The following SPTBN5 variants were observed in gnomAD, a reference collection of about 807,000 sequenced individuals.
SPTBN5 encodes the protein spectrin beta chain, non-erythrocytic 5.
A neutral mutation model predicts 477.6 loss-of-function variants in SPTBN5; 513 were observed. That is an observed-to-expected ratio of 1.07 (90% CI 1.00 to 1.16). The LOEUF (loss-of-function observed/expected upper bound fraction) is 1.16, where lower values mean the gene tolerates loss of function less well. Among genes scored for constraint, SPTBN5 ranks in the 50% most tolerant of loss-of-function variants. The pLI, the probability that SPTBN5 is intolerant of heterozygous loss-of-function variation, is 0.00. For missense variants in SPTBN5, 5,062 were observed against 4,731.8 expected (o/e 1.07, Z -2.05); for synonymous variants, 2,169 against 2,011.7 (o/e 1.08, Z -2.09).
At position 41,863,946 on chromosome 15, in the gene SPTBN5, T is replaced by G. The variant is rs751366420; in HGVS notation, c.6997A>C (p.Lys2333Gln). 3.1e-5 allele frequency: 50 copies of G among 1,613,816 alleles called. No homozygotes were observed. The highest frequency in any genetic ancestry group is 3.8e-5 in the Non-Finnish European group (45 of 1,179,894). Residue 2333 changes from lysine (K) to glutamine (Q), a missense_variant, in exon 40 of 68, where the codon AAG becomes CAG. Lys to Gln is a moderately conservative substitution (Grantham distance 53). Coordinates refer to ENST00000320955, the MANE Select transcript of SPTBN5 (RefSeq NM_016642.4). ...QLKNRDPEEVKIICQRRSQLN... is the reference protein window; with the variant it reads ...QLKNRDPEEVQIICQRRSQLN... ...TGGCTTCGCCGCTGGCAGATGATCT[T>G]GACTTCCTCAGGGTCCCGGTTCTTG...
chr15:41,891,528 G>A (rs562864004), intron 3 of SPTBN5, among the ~76,000 whole-genome samples: 3 of 126,954 alleles, frequency 2.4e-5, no homozygotes, highest in Non-Finnish European at 3.3e-5. Flanking sequence ...ATGTCACGCT[G>A]GTGGCTTAAA....
At chr15:41,850,332 CG>C (rs2065711554) in intron 66 of SPTBN5, 2 of 278,438 alleles carry the variant, frequency 7.2e-6, no homozygotes, top group East Asian at 1.5e-4. Flanking sequence ...CCTGAACACA[CG>C]GTCCACACGG....
At chr15:41,848,987 G>C (rs551067129) in intron 67 of SPTBN5, among the ~76,000 whole-genome samples, 2 of 152,336 alleles carry the variant, frequency 1.3e-5, no homozygotes, top group African/African-American at 4.8e-5. Context: ...ATTGGGCTCT[G>C]CAGGACTGGG....
chr15:41,887,499 T>A, intron 5 of SPTBN5, 58 bp from the exon 6 acceptor site: 2 of 1,333,072 alleles, frequency 1.5e-6, no homozygotes, highest in Non-Finnish European at 2.1e-6. Context: ...TTCCTTTAAG[T>A]AGATTCTTAA....
At chr15:41,881,841 A>T in intron 12 of SPTBN5, 95 bp downstream of exon 12, 1 of 1,230,520 alleles carries the variant, frequency 8.1e-7, no homozygotes, top group Middle Eastern at 2.8e-4. Context: ...ATCCTGGGCC[A>T]GAGGCCACAA....
chr15:41,860,400 A>G (rs545109503), intron 47 of SPTBN5, among the ~76,000 whole-genome samples, 186 bp downstream of exon 47: 1 of 152,230 alleles, frequency 6.6e-6, no homozygotes, highest in South Asian at 2.1e-4. Context: ...GTGGTGTTTG[A>G]TGTCCATAAC....
At chr15:41,853,054 G>T in intron 59 of SPTBN5, 54 bp from the exon 60 acceptor site, 1 of 1,460,320 alleles carries the variant, frequency 6.8e-7, no homozygotes, top group Non-Finnish European at 9.1e-7. Flanking sequence ...CCCACCATGG[G>T]CAGGGCAGGG....
chr15:41,852,541 G>A, intron 61 of SPTBN5, 93 bp downstream of exon 61: 1 of 1,422,750 alleles, frequency 7.0e-7, no homozygotes, highest in South Asian at 1.2e-5. Context: ...GCAGGGCCGG[G>A]TGAGGGCTCA....
intron 13 of SPTBN5, among the ~76,000 whole-genome samples, chr15:41,880,740 C>G (rs1317413113): frequency 6.6e-6 from 1 of 152,260 alleles, no homozygotes; most frequent in Non-Finnish European, 1.5e-5. Flanking sequence ...TACCTTTGCA[C>G]AGGTCCTGGC....
intron 61 of SPTBN5, 60 bp from the exon 62 acceptor site, chr15:41,852,376 G>C: frequency 6.7e-7 from 1 of 1,501,844 alleles, no homozygotes; most frequent in Non-Finnish European, 8.9e-7. Context: ...CCACACCTCA[G>C]GTTCCCGTCT....
At position 41,893,556 on chromosome 15, in the gene SPTBN5, A is replaced by C. The variant is rs1319270654; in HGVS notation, c.-49-10T>G. 2 of 1,531,058 alleles carry C rather than the reference A, an allele frequency of 1.3e-6. No individual in the cohort carries two copies. The highest frequency in any genetic ancestry group is 3.9e-5 in the Admixed American group (2 of 50,856). 94.8% of individuals were successfully genotyped at this position (1,531,058 alleles called of 1,614,324 possible). On this transcript the variant is annotated splice_polypyrimidine_tract_variant and intron_variant, in intron 1 of 67. Transcript: ENST00000320955. The stretch of plus-strand genomic sequence containing the variant: ...GGATGGCTCCCTAAACCTGGAGGGC[A>C]TGCAGATTAGGGGATGATGTGAATG...
Position 41,893,302 on chromosome 15 carries a change from T to C in SPTBN5, c.196A>G (p.Asn66Asp). The C allele has an allele frequency of 6.2e-7, 1 of 1,613,974 alleles. No homozygotes were observed. The highest frequency in any genetic ancestry group is 8.5e-7 in the Non-Finnish European group (1 of 1,179,886). The change falls in exon 2 of 68, where the codon AAC (asparagine) becomes GAC (aspartate). Residue 66 changes from asparagine (N) to aspartate (D), a missense_variant. Physicochemically the swap from Asn to Asp is conservative, Grantham distance 23. Transcript: ENST00000320955. ...QEKTFTKWIN[N>D]VFQCGQAGIK... The stretch of plus-strand genomic sequence containing the variant: ...CTCACCTGGCCGCACTGGAAGACGT[T>C]ATTGATCCACTTGGTGAAAGTCTTC...
Position 41,867,491 on chromosome 15 carries a change from CCCAA to C in SPTBN5, c.6312+43_6312+46del, listed in dbSNP as rs774104793. The C allele has an allele frequency of 5.1e-6, 8 of 1,578,878 alleles. No individual in the cohort carries two copies. The East Asian group carries it at 1.8e-4, about 35-fold the overall frequency. ...CCCGTGACCCCCTTCAGGACTCTCT[CCCAA>C]CCACCACACTCTGACCACGCCCAGG... On this transcript the variant is annotated intron_variant, in intron 35 of 67. Coordinates refer to ENST00000320955, the MANE Select transcript of SPTBN5 (RefSeq NM_016642.4).
Position 41,853,341 on chromosome 15 carries a change from TTTC to T in SPTBN5, c.10084_10086del (p.Glu3362del). ...TGGGCTTGAAGGCGGCACTCCCTGA[TTTC>T]TTGCCCCAGCTCTTCATGCTGCCCA... On this transcript the variant is annotated inframe_deletion, in exon 59 of 68. Coordinates refer to ENST00000320955, the MANE Select transcript of SPTBN5 (RefSeq NM_016642.4). The T allele has an allele frequency of 1.2e-6, 2 of 1,612,790 alleles. No homozygotes were observed. The highest frequency in any genetic ancestry group is 1.7e-6 in the Non-Finnish European group (2 of 1,179,602).
Position 41,858,918 on chromosome 15 carries a change from A to C in SPTBN5, c.8051T>G (p.Leu2684Arg). ...CTGGGAGTCCTGCAGGAAGGCCTGCAGCTGCCGGAGCTCCTCCAGGCGATG... is the reference window on the plus strand; with the variant it reads ...CTGGGAGTCCTGCAGGAAGGCCTGCCGCTGCCGGAGCTCCTCCAGGCGATG... The part of the protein sequence containing the change: ...RRHRLEELRQ[L>R]QAFLQDSQEV... Residue 2684 changes from leucine (L) to arginine (R), a missense_variant, in exon 48 of 68, where the codon CTG (leucine) becomes CGG (arginine). Leu to Arg is a moderately radical substitution (Grantham distance 102). Transcript: ENST00000320955. 6.3e-7 allele frequency: 1 copy of C among 1,595,038 alleles called. No homozygotes were observed. Among genetic ancestry groups the C allele is most frequent in the East Asian group, 2.3e-5 (1 of 44,408 alleles).
intron 17 of SPTBN5, among the ~76,000 whole-genome samples, 161 bp downstream of exon 17, chr15:41,878,181 C>T (rs1011193126): frequency 1.3e-5 from 2 of 152,224 alleles, no homozygotes; most frequent in Admixed American, 6.5e-5. Flanking sequence ...ATATCCTCCT[C>T]TGTGTAAACT....
In SPTBN5 at chr15:41,865,852, G is replaced by T. The variant is rs2066287084; in HGVS notation, c.6874C>A (p.Gln2292Lys). ...DLGQDLEHCL[Q>K]LRRRLREFRG... ...AACTCGCGGAGCCGCCGTCGGAGCT[G>T]CAGGCAGTGCTCCAGGTCCTGGCCC... The change falls in exon 39 of 68, where the codon CAG (glutamine) becomes AAG (lysine). Residue 2292 changes from glutamine to lysine, a missense_variant. Coordinates refer to ENST00000320955, the MANE Select transcript of SPTBN5 (RefSeq NM_016642.4). 5.7e-6 allele frequency: 9 copies of T among 1,581,990 alleles called. No individual in the cohort carries two copies. The highest frequency in any genetic ancestry group is 7.7e-6 in the Non-Finnish European group (9 of 1,164,612).
rs372889842 is a variant in SPTBN5, at chr15:41,866,887, C to A, written c.6480+72G>T. 5 of 1,468,540 alleles carry A rather than the reference C, an allele frequency of 3.4e-6. No individual in the cohort carries two copies. The South Asian group carries it at 6.7e-5, about 20-fold the overall frequency. The allele number at this position is 1,468,540 out of a possible 1,614,324, so 91.0% of individuals were successfully genotyped here. A position where few individuals can be genotyped will look rare whatever the true frequency, so the allele number is the denominator to read the frequency against. ...AACCTGTTTCCGCCTCACAGTGTTGCGGTGTGAAGGCGGCTGAAAACTGTC... is the reference window on the plus strand; with the variant it reads ...AACCTGTTTCCGCCTCACAGTGTTGAGGTGTGAAGGCGGCTGAAAACTGTC... On this transcript the variant is annotated intron_variant, in intron 36 of 67. Transcript: ENST00000320955.
Position 41,874,341 on chromosome 15 carries a change from C to T in SPTBN5, c.4640G>A (p.Ser1547Asn). ...GGCACCATTCAAGCACTCGGTATAG[C>T]TGGTGGGGCTGCCATGGGGCATGTG... is the stretch of plus-strand genomic sequence containing the variant. ...AEHMPHGSPT[S>N]YTECLNGAQS... The change falls in exon 24 of 68, where the codon AGC becomes AAC. Residue 1547 changes from serine (S) to asparagine (N), a missense_variant. By Grantham distance (46) the Ser-to-Asn change is conservative. Coordinates refer to ENST00000320955, the MANE Select transcript of SPTBN5 (RefSeq NM_016642.4). The T allele has an allele frequency of 6.2e-7, 1 of 1,613,810 alleles. No individual in the cohort carries two copies. Among genetic ancestry groups the T allele is most frequent in the Non-Finnish European group, 8.5e-7 (1 of 1,179,832 alleles).
Sources: gnomAD v4.1 joint callset for allele counts (sites outside exome capture counted in the v4.1 genomes callset) on GRCh38, gnomAD v4.1.1 for gene constraint, MANE v1.5 for transcripts, NCBI Gene and HGNC (gene_info 2026-07-23, HGNC 2026-07-21) for gene names.